PEG3: variants seen among roughly 807,000 people sequenced by gnomAD.
PEG3 encodes paternally expressed 3.
A neutral mutation model predicts 35.5 loss-of-function variants in PEG3; 23 were observed. The observed-to-expected ratio is 0.65, with a 90% CI of 0.47 to 0.92. The LOEUF (loss-of-function observed/expected upper bound fraction) is 0.92, where lower values mean the gene tolerates loss of function less well. Among genes scored for constraint, PEG3 ranks in the 40% least tolerant of loss-of-function variants. The pLI is 0.00. For synonymous variants in PEG3, 707 were observed against 697.0 expected (o/e 1.01, Z -0.23); for missense variants, 1,960 against 1,985.3 (o/e 0.99, Z 0.24).
Position 56,814,403 on chromosome 19 carries a change from G to A in PEG3, c.4039C>T (p.Leu1347Phe). ...CGKSFIHSTV[L>F]TKHKELHLEE... ...AGATGAAGCTCCTTATGTTTAGTGA[G>A]GACTGTGCTATGAATAAAGGACTTA... The change falls in exon 10 of 10, where the codon CTC becomes TTC. Residue 1347 changes from leucine (L) to phenylalanine (F), a missense_variant. Coordinates refer to ENST00000326441, the MANE Select transcript of PEG3 (RefSeq NM_006210.3). This position sits in a 1 kb window ranked among gnomAD's most constrained non-coding sequence, Gnocchi z 5.8. 6.2e-7 allele frequency: 1 copy of A among 1,614,024 alleles called. No individual in the cohort carries two copies. Among genetic ancestry groups the A allele is most frequent in the Non-Finnish European group, 8.5e-7 (1 of 1,179,918 alleles).
intron 2 of PEG3, among the ~76,000 whole-genome samples, chr19:56,835,664 C>T (rs996047131): frequency 1.3e-5 from 2 of 152,236 alleles, no homozygotes; most frequent in Non-Finnish European, 2.9e-5. Flanking sequence ...TCCTTTCCCC[C>T]ATTGGGGCTA....
intron 2 of PEG3, among the ~76,000 whole-genome samples, chr19:56,829,650 G>C (rs963814452): frequency 1.3e-5 from 2 of 152,232 alleles, no homozygotes; most frequent in African/African-American, 4.8e-5. Context: ...TATGCAATGA[G>C]GTTAGCTGCC....
At chr19:56,829,386 CTTTG>C (rs1383103168) in intron 2 of PEG3, among the ~76,000 whole-genome samples, 1 of 151,238 alleles carries the variant, frequency 6.6e-6, no homozygotes, top group African/African-American at 2.4e-5. Context: ...ATGGTTTAAC[CTTTG>C]TATGTACAGC....
At chr19:56,839,207 C>T (rs1376766348) in intron 1 of PEG3, among the ~76,000 whole-genome samples, 1 of 152,162 alleles carries the variant, frequency 6.6e-6, no homozygotes, top group Non-Finnish European at 1.5e-5. Context: ...TGCCCCGCCC[C>T]ATCTGCCACC....
intron 1 of PEG3, among the ~76,000 whole-genome samples, chr19:56,839,092 C>T (rs2062608881): frequency 1.3e-5 from 2 of 151,308 alleles, no homozygotes; most frequent in African/African-American, 4.9e-5. Flanking sequence ...CCAACTAGGA[C>T]AGCGCCTGCG....
Position 56,811,080 on chromosome 19 carries a change from T to C in PEG3, c.*2595A>G. 4.1e-6 allele frequency: 4 copies of C among 984,884 alleles called. No homozygotes were observed. The highest frequency in any genetic ancestry group is 3.6e-6 in the Non-Finnish European group (3 of 829,444). The allele number at this position is 984,884 out of a possible 1,614,324, so 61.0% of individuals were successfully genotyped here. On this transcript the variant is annotated 3_prime_UTR_variant, in exon 10 of 10. Coordinates refer to ENST00000326441, the MANE Select transcript of PEG3 (RefSeq NM_006210.3). ...ACAAGATAAGAGGAGAGTATATGTCTTTGGATGGTGGGGATATGATTTTTT... is the reference window on the plus strand; with the variant it reads ...ACAAGATAAGAGGAGAGTATATGTCCTTGGATGGTGGGGATATGATTTTTT...
intron 1 of PEG3, among the ~76,000 whole-genome samples, chr19:56,838,588 G>A (rs2062498538): frequency 6.6e-6 from 1 of 152,232 alleles, no homozygotes. Context: ...GGCAACAACA[G>A]GGGAAGGGGT....
rs1440940813 is a variant in PEG3, at chr19:56,817,056, A to G, written c.1386T>C (p.Ser462=). The G allele has an allele frequency of 2.5e-6, 4 of 1,614,034 alleles. No homozygotes were observed. The African/African-American group carries it at 5.3e-5, about 22-fold the overall frequency. The change falls in exon 10 of 10, where the codon AGT becomes AGC. Residue 462 remains serine, a synonymous_variant. Transcript: ENST00000326441. ...YVCDECGRSF[S]VISEFVEHQI... is the part of the protein sequence containing the mutation. ...GGTGCTCAACAAATTCTGAGATGAC[A>G]CTGAACGACCTCCCACACTCATCAC...
chr19:56,829,603 C>T (rs1197641021), intron 2 of PEG3, among the ~76,000 whole-genome samples: 1 of 152,234 alleles, frequency 6.6e-6, no homozygotes, highest in African/African-American at 2.4e-5. Flanking sequence ...TGCTGGTCAA[C>T]CTTCTCCTGC....
Position 56,813,204 on chromosome 19 carries a change from A to T in PEG3, c.*471T>A. 1.1e-6 allele frequency: 1 copy of T among 906,938 alleles called. No individual in the cohort carries two copies. The highest frequency in any genetic ancestry group is 1.3e-6 in the Non-Finnish European group (1 of 759,872). The allele number at this position is 906,938 out of a possible 1,614,324, so 56.2% of individuals were successfully genotyped here. A position where few individuals can be genotyped will look rare whatever the true frequency, so the allele number is the denominator to read the frequency against. ...ATTTGTTGCTCTCTTCCTCCTCCAAAAAAAAAAAAAATTCAAAGAATACCA... is the reference window on the plus strand; with the variant it reads ...ATTTGTTGCTCTCTTCCTCCTCCAATAAAAAAAAAAATTCAAAGAATACCA... On this transcript the variant is annotated 3_prime_UTR_variant, in exon 10 of 10. Coordinates refer to ENST00000326441, the MANE Select transcript of PEG3 (RefSeq NM_006210.3).
Position 56,815,756 on chromosome 19 carries a change from T to C in PEG3, c.2686A>G (p.Ile896Val), listed in dbSNP as rs1600922462. The part of the protein sequence containing the change: ...SKNRNYEDSV[I>V]QSVFRAKPQK... ...GGTTTGGCACGGAATACACTCTGTA[T>C]GACAGAGTCTTCATAGTTGCGATTC... Residue 896 changes from isoleucine to valine, a missense_variant, in exon 10 of 10, where the codon ATA becomes GTA. Physicochemically the swap from Ile to Val is conservative, Grantham distance 29. Around this residue, in one of 5 missense-constraint regions of PEG3, gnomAD observed 798 missense variants for 782.4 expected, o/e 1.02. Coordinates refer to ENST00000326441, the MANE Select transcript of PEG3 (RefSeq NM_006210.3). The C allele has an allele frequency of 1.9e-6, 3 of 1,613,750 alleles. No homozygotes were observed. The highest frequency in any genetic ancestry group is 2.5e-6 in the Non-Finnish European group (3 of 1,179,724).
At position 56,812,196 on chromosome 19, in the gene PEG3, C is replaced by T. The variant is rs1156756987; in HGVS notation, c.*1479G>A. On this transcript the variant is annotated 3_prime_UTR_variant, in exon 10 of 10. Coordinates refer to ENST00000326441, the MANE Select transcript of PEG3 (RefSeq NM_006210.3). Reference sequence around the variant, plus strand: ...AAAATTTCTTAATATAGTTATTATGCGAGGGGAGGGGAAGCAAAGGAGCAC... The same window carrying T: ...AAAATTTCTTAATATAGTTATTATGTGAGGGGAGGGGAAGCAAAGGAGCAC... 5.1e-5 allele frequency: 50 copies of T among 980,720 alleles called. No homozygotes were observed. The highest frequency in any genetic ancestry group is 1.2e-4 in the Admixed American group (2 of 16,150). 60.8% of individuals were successfully genotyped at this position (980,720 alleles called of 1,614,324 possible).
At chr19:56,836,969 CAAAAAAAAAAAA>C (rs573566620) in intron 1 of PEG3, among the ~76,000 whole-genome samples, 5 of 116,990 alleles carry the variant, frequency 4.3e-5, no homozygotes, top group East Asian at 5.8e-4. Flanking sequence ...GACTCTGTCT[CAAAAAAAAAAAA>C]AAAAAAAAAA....
intron 2 of PEG3, among the ~76,000 whole-genome samples, chr19:56,827,154 A>G (rs1368929280): frequency 6.6e-6 from 1 of 152,244 alleles, no homozygotes; most frequent in Admixed American, 6.5e-5. Context: ...AAACCATTCC[A>G]GAGCACAGAA....
Position 56,815,359 on chromosome 19 carries a change from T to C in PEG3, c.3083A>G (p.Gln1028Arg), listed in dbSNP as rs752085444. Residue 1028 changes from glutamine to arginine, a missense_variant, in exon 10 of 10, where the codon CAA (glutamine) becomes CGA (arginine). By Grantham distance (43) the Gln-to-Arg change is conservative. Around this residue, in one of 5 missense-constraint regions of PEG3, gnomAD observed 798 missense variants for 782.4 expected, o/e 1.02. Transcript: ENST00000326441. ...SYAQEQYAKE[Q>R]ARNKCKDFRQ... ...GAAGTCCTTACATTTGTTCCGCGCT[T>C]GCTCTTTAGCATACTGCTCTTGGGC... 4.5e-5 allele frequency: 73 copies of C among 1,614,134 alleles called. 1 individual carries two copies. The highest frequency in any genetic ancestry group is 8.5e-7 in the Non-Finnish European group (1 of 1,180,048).
intron 6 of PEG3, chr19:56,822,514 C>G: frequency 2.5e-6 from 1 of 401,714 alleles, no homozygotes; most frequent in South Asian, 7.7e-5. Flanking sequence ...TTTTTTAATG[C>G]ACCAGCTTAA....
rs1370530648 is a variant in PEG3 at position 56,810,619 on chromosome 19, CAA to C, written c.*3054_*3055del. ...TACATAAAATTTATTACCAAAACAC[CAA>C]AGATTATTTAAGGAATTTGAGACAA... On this transcript the variant is annotated 3_prime_UTR_variant, in exon 10 of 10. Coordinates refer to ENST00000326441, the MANE Select transcript of PEG3 (RefSeq NM_006210.3). 1 of 924,456 alleles carries C rather than the reference CAA, an allele frequency of 1.1e-6. No homozygotes were observed. The highest frequency in any genetic ancestry group is 6.2e-5 in the Admixed American group (1 of 16,190). The allele number at this position is 924,456 out of a possible 1,614,324, so 57.3% of individuals were successfully genotyped here.
At chr19:56,818,308 TTA>T (rs2060170779) in intron 8 of PEG3, among the ~76,000 whole-genome samples, 7 of 152,254 alleles carry the variant, frequency 4.6e-5, no homozygotes, top group African/African-American at 1.7e-4. Context: ...GAATGTCTAC[TTA>T]AAAACCTCCA....
At chr19:56,838,922 G>T (rs941834107) in intron 1 of PEG3, among the ~76,000 whole-genome samples, 3 of 152,222 alleles carry the variant, frequency 2.0e-5, no homozygotes, top group Non-Finnish European at 4.4e-5. Context: ...CACCCAGGTG[G>T]GCGGGGCTTG....
Sources: allele counts gnomAD v4.1 joint callset (sites outside exome capture counted in the v4.1 genomes callset), GRCh38; gene constraint gnomAD v4.1.1; regional missense constraint gnomAD v4.1.1; non-coding constraint Gnocchi (gnomAD v3.1); transcripts MANE v1.5; gene names NCBI Gene and HGNC (gene_info 2026-07-23, HGNC 2026-07-21).